The following BANP variants were observed in gnomAD, a reference collection of about 807,000 sequenced individuals.
The protein encoded by BANP is BTG3 associated nuclear protein, also known as protein BANP.
BANP carries 11 observed loss-of-function variants against 68.1 expected under a neutral mutation model. The ratio of observed to expected loss-of-function variants is 0.16; its 90% CI spans 0.10 to 0.27. BANP has a LOEUF of 0.27. Ranked by LOEUF, BANP falls within the 10% of genes least tolerant of loss-of-function variation. The pLI, the probability that BANP is intolerant of heterozygous loss-of-function variation, is 1.00. For missense variants in BANP, 504 were observed against 722.7 expected (o/e 0.70, Z 3.47); for synonymous variants, 329 against 303.2 (o/e 1.09, Z -0.88).
chr16:88,032,159 A>G (rs1391088841), intron 8 of BANP, among the ~76,000 whole-genome samples: 1 of 151,140 alleles, frequency 6.6e-6, no homozygotes, highest in African/African-American at 2.4e-5. Flanking sequence ...CCTTTCATTC[A>G]TATCAACATT....
At chr16:88,032,089 G>T (rs943507808) in intron 8 of BANP, among the ~76,000 whole-genome samples, 2 of 152,082 alleles carry the variant, frequency 1.3e-5, no homozygotes, top group Non-Finnish European at 2.9e-5. Context: ...ACAGGCGTGA[G>T]CCACCGCGCC....
At chr16:87,975,412 C>T (rs576939485) in intron 2 of BANP, among the ~76,000 whole-genome samples, 2 of 152,204 alleles carry the variant, frequency 1.3e-5, no homozygotes, top group East Asian at 1.9e-4. Context: ...CACTTTGTCT[C>T]GAGGGCCATC....
At chr16:87,977,139 G>A (rs1457472373) in intron 2 of BANP, among the ~76,000 whole-genome samples, 1 of 152,216 alleles carries the variant, frequency 6.6e-6, no homozygotes, top group Non-Finnish European at 1.5e-5. Context: ...TGTCAGCCAG[G>A]CATGGTGGCT....
intron 8 of BANP, among the ~76,000 whole-genome samples, chr16:88,028,653 G>A (rs1469010248): frequency 2.6e-5 from 4 of 152,226 alleles, no homozygotes; most frequent in Non-Finnish European, 4.4e-5. Flanking sequence ...TGGGACTTGA[G>A]AGAGGTAGCA....
At chr16:88,033,076 C>T (rs1268448954) in intron 8 of BANP, 33 bp from the exon 9 acceptor site, 4 of 1,557,722 alleles carry the variant, frequency 2.6e-6, no homozygotes, top group African/African-American at 1.4e-5. Context: ...AGAAACTTCT[C>T]GTTCACCCCG....
chr16:88,051,676 C>T (rs2083299268), intron 11 of BANP, among the ~76,000 whole-genome samples: 1 of 152,170 alleles, frequency 6.6e-6, no homozygotes, highest in South Asian at 2.1e-4. Flanking sequence ...GATAGCAGCC[C>T]ACCCACCTGA....
intron 7 of BANP, among the ~76,000 whole-genome samples, chr16:88,024,254 C>A (rs1227326019): frequency 6.6e-6 from 1 of 152,182 alleles, no homozygotes; most frequent in Non-Finnish European, 1.5e-5. Context: ...ACCTGGTGGG[C>A]CCAGGAAGCT....
At chr16:88,010,381 A>G (rs984966624) in intron 6 of BANP, among the ~76,000 whole-genome samples, 16 of 152,220 alleles carry the variant, frequency 1.1e-4, no homozygotes, top group African/African-American at 3.9e-4. Context: ...TAATTGAATT[A>G]TTGCCAGGAA....
intron 4 of BANP, among the ~76,000 whole-genome samples, chr16:88,001,922 A>C (rs74795857): frequency 2.1e-3 from 279 of 136,040 alleles, no homozygotes; most frequent in Middle Eastern, 7.1e-3. Context: ...CTAAAAAAAA[A>C]CAAAAAAACA....
intron 11 of BANP, among the ~76,000 whole-genome samples, chr16:88,061,027 C>G (rs1050375264): frequency 5.9e-5 from 9 of 152,156 alleles, no homozygotes; most frequent in Non-Finnish European, 8.8e-5. Flanking sequence ...CCAGGAGCGC[C>G]GCCCTGCTGG....
chr16:88,054,195 C>T lies in BANP; in HGVS notation c.1312-11072C>T, dbSNP rs1235444744. ...TCATCATCATCATCACCAACACAAC[C>T]ACCCTAACGACTACCACCCCCACCT... On this transcript the variant is annotated intron_variant, in intron 11 of 13. Coordinates refer to ENST00000682872, the MANE Select transcript of BANP (RefSeq NM_001386991.1). Among the ~76,000 whole-genome samples the T allele has an allele frequency of 3.3e-5, 4 of 121,382 alleles. 1 individual carries two copies. The highest frequency in any genetic ancestry group is 2.5e-4 in the Admixed American group (3 of 12,214). The allele number at this position is 121,382 out of a possible 152,430, so 79.6% of individuals were successfully genotyped here. A position where few individuals can be genotyped will look rare whatever the true frequency, so the allele number is the denominator to read the frequency against.
intron 11 of BANP, among the ~76,000 whole-genome samples, chr16:88,047,083 A>T (rs1035271085): frequency 3.3e-5 from 5 of 149,978 alleles, no homozygotes; most frequent in Non-Finnish European, 7.4e-5. Context: ...AAAAAAAAAA[A>T]TCCTTATCAT....
In BANP at chr16:88,057,150, C is replaced by T. The variant is rs567655448; in HGVS notation, c.1312-8117C>T. Among the ~76,000 whole-genome samples, 134 of 152,244 alleles carry T rather than the reference C, an allele frequency of 8.8e-4. No homozygotes were observed. The highest frequency in any genetic ancestry group is 3.1e-3 in the African/African-American group (130 of 41,538). ...TGTTGCCGTTGTTGAGCTGTGTCTG[C>T]CTTTTCTGGTGGGCGGGCCTGCCGT... On this transcript the variant is annotated intron_variant, in intron 11 of 13. Coordinates refer to ENST00000682872, the MANE Select transcript of BANP (RefSeq NM_001386991.1). This position sits in a 1 kb window ranked among gnomAD's most constrained non-coding sequence, Gnocchi z 4.6.
rs149478142 is a variant in BANP at position 88,042,929 on chromosome 16, G to T, written c.1311+4918G>T. On this transcript the variant is annotated intron_variant, in intron 11 of 13. Coordinates refer to ENST00000682872, the MANE Select transcript of BANP (RefSeq NM_001386991.1). ...AAGACCCTGTCTCAAAATAAATGAA[G>T]TGTACAATTCAATGGTTTTTCAAAA... 4.9e-3 allele frequency among the ~76,000 whole-genome samples: 751 copies of T among 152,328 alleles called. 1 individual carries two copies. Among genetic ancestry groups the T allele is most frequent in the Non-Finnish European group, 8.4e-3 (573 of 68,030 alleles).
In BANP at chr16:88,057,556, C is replaced by T. The variant is rs1378080702; in HGVS notation, c.1312-7711C>T. Among the ~76,000 whole-genome samples, 1 of 152,062 alleles carries T rather than the reference C, an allele frequency of 6.6e-6. No individual in the cohort carries two copies. Among genetic ancestry groups the T allele is most frequent in the Non-Finnish European group, 1.5e-5 (1 of 68,010 alleles). On this transcript the variant is annotated intron_variant, in intron 11 of 13. Coordinates refer to ENST00000682872, the MANE Select transcript of BANP (RefSeq NM_001386991.1). This position sits in a 1 kb window ranked among gnomAD's most constrained non-coding sequence, Gnocchi z 4.6. ...TCGCTTCATGCTGATTCTGTTTAGG[C>T]CCCGGCTTTTCCCTCATGCAAAATG...
At chr16:87,992,636 A>G (rs944188245) in intron 4 of BANP, among the ~76,000 whole-genome samples, 4 of 152,128 alleles carry the variant, frequency 2.6e-5, no homozygotes, top group African/African-American at 7.2e-5. Context: ...TCTACTAAAA[A>G]TACAAAAATT....
Position 88,067,581 on chromosome 16 carries a change from CT to C in BANP, c.1377+2257del, listed in dbSNP as rs200433007. On this transcript the variant is annotated intron_variant, in intron 12 of 13. Coordinates refer to ENST00000682872, the MANE Select transcript of BANP (RefSeq NM_001386991.1). ...TATTTTATGCCAGAGTTTCAGAGTCCTTTTTTTTCCTTGGCACTATTTCCAA... is the reference window on the plus strand; with the variant it reads ...TATTTTATGCCAGAGTTTCAGAGTCCTTTTTTTCCTTGGCACTATTTCCAA... Among the ~76,000 whole-genome samples the C allele has an allele frequency of 3.4e-3, 515 of 152,138 alleles. 1 individual carries two copies. Among genetic ancestry groups the C allele is most frequent in the African/African-American group, 0.012 (492 of 41,500 alleles).
chr16:88,002,724 AAAAG>A lies in BANP; in HGVS notation c.363-1570_363-1567del, dbSNP rs1190182444. Among the ~76,000 whole-genome samples, 2 of 152,186 alleles carry A rather than the reference AAAAG, an allele frequency of 1.3e-5. No homozygotes were observed. Among genetic ancestry groups the A allele is most frequent in the African/African-American group, 4.8e-5 (2 of 41,436 alleles). On this transcript the variant is annotated intron_variant, in intron 4 of 13. Coordinates refer to ENST00000682872, the MANE Select transcript of BANP (RefSeq NM_001386991.1). The surrounding 1 kb of genome is among the most constrained non-coding windows in gnomAD (Gnocchi z 4.6). ...CCTTAATAAGGATCTTCAAGGAAAA[AAAAG>A]GTATATTTGGTCAAATGACCTTGCC...
At chr16:87,973,613 G>C (rs1044489787) in intron 1 of BANP, among the ~76,000 whole-genome samples, 5 of 152,118 alleles carry the variant, frequency 3.3e-5, no homozygotes, top group African/African-American at 1.2e-4. Flanking sequence ...TAGAAAATTA[G>C]CTGGGTGTGG....
Sources: gnomAD v4.1 joint callset for allele counts (sites outside exome capture counted in the v4.1 genomes callset) on GRCh38, gnomAD v4.1.1 for gene constraint, Gnocchi (gnomAD v3.1) non-coding constraint, MANE v1.5 for transcripts, NCBI Gene and HGNC (gene_info 2026-07-23, HGNC 2026-07-21) for gene names.